The following MYH3 variants were observed in gnomAD, a reference collection of about 807,000 sequenced individuals.
MYH3 encodes myosin-3.
MYH3 carries 130 observed loss-of-function variants against 238.0 expected under a neutral mutation model. That is an observed-to-expected ratio of 0.55 (90% CI 0.47 to 0.63). The LOEUF (loss-of-function observed/expected upper bound fraction) is 0.63, where lower values mean the gene tolerates loss of function less well. MYH3 is among the 30% of genes least tolerant of loss of function. The pLI, the probability that MYH3 is intolerant of heterozygous loss-of-function variation, is 0.00. For missense variants in MYH3, 1,853 were observed against 2,374.9 expected, an observed-to-expected ratio of 0.78 and a Z score of 4.57; for synonymous variants, 880 against 924.1, an observed-to-expected ratio of 0.95 and a Z score of 0.86.
chr17:10,630,259 A>G lies in MYH3; in HGVS notation c.5457+29T>C, dbSNP rs73976869. On this transcript the variant is annotated intron_variant, in intron 37 of 40. Coordinates refer to ENST00000583535, the MANE Select transcript of MYH3 (RefSeq NM_002470.4). ...GCGTGATTGGGAGGCTGGAAAGCTC[A>G]GCGCAGGCGGGGTTCCTCCTGCACA... 6,235 of 1,581,590 alleles carry G rather than the reference A, an allele frequency of 3.9e-3. 172 individuals carry two copies. The African/African-American group carries it at 0.071, about 18-fold the overall frequency.
At chr17:10,635,084 A>C (rs1213093480) in intron 30 of MYH3, 61 bp from the exon 31 acceptor site, 11 of 1,535,410 alleles carry the variant, frequency 7.2e-6, no homozygotes, top group Non-Finnish European at 9.9e-6. Flanking sequence ...GAACATCACT[A>C]TTCATCAAGT....
At chr17:10,672,266 C>T in the MYH3 span, among the ~76,000 whole-genome samples, 1 of 152,170 alleles carries the variant, frequency 6.6e-6, no homozygotes, top group Non-Finnish European at 1.5e-5. Flanking sequence ...TAACGTTTTA[C>T]ATAATATGGA....
intron 3 of MYH3, among the ~76,000 whole-genome samples, chr17:10,653,289 A>G (rs1388311909): frequency 1.3e-5 from 2 of 152,058 alleles, no homozygotes; most frequent in Admixed American, 1.3e-4. Context: ...AATGACGCAT[A>G]TGTCCCCTGC....
At chr17:10,655,500 G>T (rs1166670507) in intron 2 of MYH3, among the ~76,000 whole-genome samples, 1 of 152,226 alleles carries the variant, frequency 6.6e-6, no homozygotes, top group Non-Finnish European at 1.5e-5. Flanking sequence ...AAACAGCAAA[G>T]ATATTTTTGA....
At chr17:10,646,815 A>G (rs2074326728) in intron 10 of MYH3, among the ~76,000 whole-genome samples, 1 of 152,186 alleles carries the variant, frequency 6.6e-6, no homozygotes, top group Non-Finnish European at 1.5e-5. Flanking sequence ...TGGGAGGCCG[A>G]GTCGGGCAAA....
At position 10,632,654 on chromosome 17, in the gene MYH3, C is replaced by T. The variant is rs781003211; in HGVS notation, c.4778G>A (p.Arg1593Lys). ...GGCGCTCTGCATGGTTTCCACTGTT[C>T]TCTGGTAGTTCCTCTTCAGCTGCTC... ...EIEQLKRNYQ[R>K]TVETMQSALD... Residue 1593 changes from arginine (R) to lysine (K), a missense_variant, in exon 34 of 41, where the codon AGA becomes AAA. Transcript: ENST00000583535. 5 of 1,614,104 alleles carry T rather than the reference C, an allele frequency of 3.1e-6. No homozygotes were observed. Among genetic ancestry groups the T allele is most frequent in the African/African-American group, 2.7e-5 (2 of 74,940 alleles).
At chr17:10,672,242 T>C in the MYH3 span, among the ~76,000 whole-genome samples, 1 of 152,226 alleles carries the variant, frequency 6.6e-6, no homozygotes, top group Admixed American at 6.5e-5. Context: ...CATCATACTA[T>C]CTTTGTTACA....
chr17:10,651,410 G>A, intron 5 of MYH3, 102 bp downstream of exon 5: 1 of 1,592,986 alleles, frequency 6.3e-7, no homozygotes. Flanking sequence ...CTTTCCCTGT[G>A]CTAAACACCA....
Position 10,651,460 on chromosome 17 carries a change from G to A in MYH3, c.505+52C>T, listed in dbSNP as rs73974805. On this transcript the variant is annotated intron_variant, in intron 5 of 40. Transcript: ENST00000583535. ...TGGGAGTAAGGGGCAACTGCCGCTC[G>A]CCTCATGCAGTGCCTGCTCCAGCAT... is the stretch of plus-strand genomic sequence containing the variant. 0.041 allele frequency: 66,794 copies of A among 1,611,326 alleles called. 1,872 individuals are homozygous for A. The highest frequency in any genetic ancestry group is 0.13 in the African/African-American group (9,518 of 74,876).
chr17:10,632,697 C>G lies in MYH3; in HGVS notation c.4735G>C (p.Glu1579Gln). ...AGCTGCTCGATCTCTTCATCCTTCTCGGCGATCTTTCTATCAATTTCTGAT... is the reference window on the plus strand; with the variant it reads ...AGCTGCTCGATCTCTTCATCCTTCTGGGCGATCTTTCTATCAATTTCTGAT... ...VKSEIDRKIA[E>Q]KDEEIEQLKR... The change falls in exon 34 of 41, where the codon GAG becomes CAG. Residue 1579 changes from glutamate (E) to glutamine (Q), a missense_variant. Transcript: ENST00000583535. 1 of 1,614,144 alleles carries G rather than the reference C, an allele frequency of 6.2e-7. No homozygotes were observed. The highest frequency in any genetic ancestry group is 8.5e-7 in the Non-Finnish European group (1 of 1,180,016).
chr17:10,651,684 CAT>C lies in MYH3; in HGVS notation c.349-18_349-17del. The C allele has an allele frequency of 1.9e-6, 3 of 1,612,344 alleles. No homozygotes were observed. The highest frequency in any genetic ancestry group is 1.7e-6 in the Non-Finnish European group (2 of 1,178,940). ...CTGAGTAGGTCTGTGGGAGGAAAAA[CAT>C]ATACGTGCGTATATGTATGTATGTG... On this transcript the variant is annotated splice_polypyrimidine_tract_variant and intron_variant, in intron 4 of 40. Coordinates refer to ENST00000583535, the MANE Select transcript of MYH3 (RefSeq NM_002470.4).
chr17:10,628,819 G>A (rs951073901), intron 40 of MYH3, 140 bp from the exon 41 acceptor site: 11 of 884,318 alleles, frequency 1.2e-5, no homozygotes, highest in African/African-American at 9.9e-5. Flanking sequence ...GAAAACGCAC[G>A]ATTGCACACA....
At position 10,639,104 on chromosome 17, in the gene MYH3, G is replaced by C. The variant is rs1250857874; in HGVS notation, c.3188C>G (p.Ala1063Gly). 1 of 1,614,048 alleles carries C rather than the reference G, an allele frequency of 6.2e-7. No homozygotes were observed. The highest frequency in any genetic ancestry group is 1.3e-5 in the African/African-American group (1 of 74,920). ...CTCCAGATCTAATATGGACTCTTGAGCAAGCTTCAAGTCTCCTTCCAATTT... is the reference window on the plus strand; with the variant it reads ...CTCCAGATCTAATATGGACTCTTGACCAAGCTTCAAGTCTCCTTCCAATTT... ...KRKLEGDLKL[A>G]QESILDLEND... The change falls in exon 25 of 41, where the codon GCT becomes GGT. Residue 1063 changes from alanine (A) to glycine (G), a missense_variant. By Grantham distance (60) the Ala-to-Gly change is moderately conservative (BLOSUM62 0). Around this residue, in one of 3 missense-constraint regions of MYH3, gnomAD observed 1,044 missense variants for 1,192.6 expected, o/e 0.88. Coordinates refer to ENST00000583535, the MANE Select transcript of MYH3 (RefSeq NM_002470.4).
At chr17:10,635,668 TTTA>T in intron 29 of MYH3, 64 bp downstream of exon 29, 1 of 1,613,070 alleles carries the variant, frequency 6.2e-7, no homozygotes, top group South Asian at 1.1e-5. Flanking sequence ...GAAGTTGCCT[TTTA>T]TTTTTTCCTC....
At chr17:10,632,887 A>C in intron 33 of MYH3, 103 bp from the exon 34 acceptor site, 2 of 1,244,998 alleles carry the variant, frequency 1.6e-6, no homozygotes, top group Non-Finnish European at 2.4e-6. Flanking sequence ...CCTAAATCTA[A>C]TCCTACAATA....
intron 28 of MYH3, among the ~76,000 whole-genome samples, chr17:10,636,621 A>G (rs2074218258): frequency 6.6e-6 from 1 of 152,156 alleles, no homozygotes; most frequent in Non-Finnish European, 1.5e-5. Context: ...ACATGGTAAA[A>G]GTGGCCACCA....
the MYH3 span, chr17:10,673,687 T>A: frequency 3.9e-5 from 6 of 152,146 alleles, no homozygotes; most frequent in Non-Finnish European, 8.8e-5. Context: ...CTCAATCAGG[T>A]TTCAATTGAG....
chr17:10,634,600 C>T (rs112398807), intron 31 of MYH3, among the ~76,000 whole-genome samples: 253 of 152,266 alleles, frequency 1.7e-3, no homozygotes, highest in African/African-American at 5.8e-3. Context: ...TAGGACTGCA[C>T]GGACATTGTA....
intron 40 of MYH3, among the ~76,000 whole-genome samples, chr17:10,629,255 C>T (rs2074126185): frequency 6.6e-6 from 1 of 152,126 alleles, no homozygotes; most frequent in Non-Finnish European, 1.5e-5. Context: ...GTTCAACTCC[C>T]ACTAATGAGT....
Sources: gnomAD v4.1 joint callset for allele counts (sites outside exome capture counted in the v4.1 genomes callset) on GRCh38, gnomAD v4.1.1 for gene constraint, gnomAD v4.1.1 regional missense constraint, MANE v1.5 for transcripts, NCBI Gene and HGNC (gene_info 2026-07-23, HGNC 2026-07-21) for gene names.